The following UGDH variants were observed in gnomAD, a reference collection of about 807,000 sequenced individuals.
UGDH encodes the protein UDP-glucose 6-dehydrogenase.
Under a neutral mutation model 50.6 loss-of-function variants are expected in UGDH, and 38 were observed. That is an observed-to-expected ratio of 0.75 (90% confidence interval 0.58 to 0.98). The LOEUF is 0.98. UGDH is among the 50% of genes least tolerant of loss of function. The pLI is 0.00. For synonymous variants in UGDH, 168 were observed against 199.9 expected (o/e 0.84, Z 1.35); for missense variants, 465 against 606.2 (o/e 0.77, Z 2.45).
intron 2 of UGDH, among the ~76,000 whole-genome samples, chr4:39,516,321 A>G (rs1043244716): frequency 5.3e-5 from 8 of 152,142 alleles, no homozygotes; most frequent in African/African-American, 1.7e-4. Flanking sequence ...ATACATGATA[A>G]AGTATTTATG....
intron 2 of UGDH, among the ~76,000 whole-genome samples, chr4:39,520,491 A>AT (rs913615303): frequency 1.3e-5 from 2 of 151,630 alleles, no homozygotes; most frequent in East Asian, 1.9e-4. Flanking sequence ...TGAAATAATA[A>AT]AAAAAAAGGA....
chr4:39,518,835 T>G (rs905753134), intron 2 of UGDH, among the ~76,000 whole-genome samples: 1 of 152,188 alleles, frequency 6.6e-6, no homozygotes, highest in African/African-American at 2.4e-5. Flanking sequence ...TACCAAGCAG[T>G]GCATAAAATT....
chr4:39,505,440 G>C lies in UGDH; in HGVS notation c.1038-70C>G, dbSNP rs563409987. 3.4e-4 allele frequency: 450 copies of C among 1,312,164 alleles called. 10 individuals are homozygous for C. In the South Asian group the frequency reaches 8.7e-3, roughly 25 times the overall value. 81.3% of individuals were successfully genotyped at this position (1,312,164 alleles called of 1,614,324 possible). A position where few individuals can be genotyped will look rare whatever the true frequency, so the allele number is the denominator to read the frequency against. On this transcript the variant is annotated intron_variant, in intron 8 of 11. Transcript: ENST00000316423. ...TATATTCTAATACCAGGGAGTTTAAGATACAGGTAAAATTATATTTCTGAA... is the reference window on the plus strand; with the variant it reads ...TATATTCTAATACCAGGGAGTTTAACATACAGGTAAAATTATATTTCTGAA...
rs200144945 is a variant in UGDH, at chr4:39,527,316, T to TA, written c.-42dup. On this transcript the variant is annotated 5_prime_UTR_variant, in exon 1 of 12. Transcript: ENST00000316423. ...CAGCAGCAAGCGCAGGGACCGCTCC[T>TA]ATCCCGATCGTTCGGACAGCACCTT... 6.1e-6 allele frequency: 2 copies of TA among 327,904 alleles called. No homozygotes were observed. The highest frequency in any genetic ancestry group is 1.2e-5 in the Non-Finnish European group (2 of 166,302). 20.3% of individuals were successfully genotyped at this position (327,904 alleles called of 1,614,324 possible). A position where few individuals can be genotyped will look rare whatever the true frequency, so the allele number is the denominator to read the frequency against.
Position 39,510,724 on chromosome 4 carries a change from C to T in UGDH, c.402G>A (p.Val134=). 14 of 1,614,192 alleles carry T rather than the reference C, an allele frequency of 8.7e-6. No individual in the cohort carries two copies. Among genetic ancestry groups the T allele is most frequent in the South Asian group, 3.3e-5 (3 of 91,086 alleles). ...TGCGACGGATACTTTCTGCTGCCCG[C>T]ACTGGAACTGTGCTTTTCTCAGTCA... The part of the protein sequence containing the change: ...KIVTEKSTVP[V]RAAESIRRIF... Residue 134 remains valine (V), a synonymous_variant, in exon 4 of 12, where the codon GTG becomes GTA. Transcript: ENST00000316423.
rs771484368 is a variant in UGDH at position 39,510,862 on chromosome 4, C to T, written c.265-1G>A. ...CATAGGTTTTTGTTGGAGTATTCAC[C>T]TGATGTAAGTATATGGGATAAAGAA... is the stretch of plus-strand genomic sequence containing the variant. On this transcript the variant is annotated splice_acceptor_variant, in intron 3 of 11. Coordinates refer to ENST00000316423, the MANE Select transcript of UGDH (RefSeq NM_003359.4). LOFTEE classifies it high-confidence loss of function. 6.2e-7 allele frequency: 1 copy of T among 1,614,060 alleles called. No individual in the cohort carries two copies.
At chr4:39,519,552 A>T (rs9990888) in intron 2 of UGDH, among the ~76,000 whole-genome samples, 108,190 of 151,698 alleles carry the variant, frequency 0.71, 38,731 homozygotes, top group East Asian at 0.9. Flanking sequence ...ATATATATAT[A>T]TTTTGAGACG....
At chr4:39,517,761 AACTT>A in intron 2 of UGDH, among the ~76,000 whole-genome samples, 6 of 152,236 alleles carry the variant, frequency 3.9e-5, no homozygotes, top group Admixed American at 3.9e-4. Context: ...CTATTTTTGA[AACTT>A]ACGCAAATGG....
intron 7 of UGDH, among the ~76,000 whole-genome samples, chr4:39,507,961 A>AG (rs1746092019): frequency 6.9e-6 from 1 of 144,516 alleles, no homozygotes; most frequent in South Asian, 2.2e-4. Flanking sequence ...AAAAAAAAAA[A>AG]AGAGAGAAGA....
intron 9 of UGDH, 91 bp from the exon 10 acceptor site, chr4:39,504,599 C>A: frequency 9.2e-7 from 1 of 1,091,800 alleles, no homozygotes; most frequent in Non-Finnish European, 1.4e-6. Context: ...GGATACATTC[C>A]AAGACCCCCA....
At chr4:39,505,969 T>C (rs1746009499) in intron 7 of UGDH, among the ~76,000 whole-genome samples, 1 of 151,580 alleles carries the variant, frequency 6.6e-6, no homozygotes, top group Non-Finnish European at 1.5e-5. Context: ...TGGTAGCTCA[T>C]ACCTGTAATC....
intron 9 of UGDH, 42 bp downstream of exon 9, chr4:39,505,195 C>A (rs2109920483): frequency 6.4e-7 from 1 of 1,552,542 alleles, no homozygotes; most frequent in East Asian, 2.4e-5. Flanking sequence ...AAAAAGTTTT[C>A]AGGTCTGGAC....
At position 39,500,156 on chromosome 4, in the gene UGDH, T is replaced by C. The variant is rs1359236936; in HGVS notation, c.1472A>G (p.Lys491Arg). ...KFSLQDPPNK[K>R]PKV ...AAATGGCAATCTCTACACTTTAGGT[T>C]TCTTGTTAGGTGGATCTTGAAGACT... The change falls in exon 12 of 12, where the codon AAA becomes AGA. Residue 491 changes from lysine (K) to arginine (R), a missense_variant. By Grantham distance (26) the Lys-to-Arg change is conservative. Coordinates refer to ENST00000316423, the MANE Select transcript of UGDH (RefSeq NM_003359.4). 3 of 1,585,510 alleles carry C rather than the reference T, an allele frequency of 1.9e-6. No homozygotes were observed.
intron 2 of UGDH, among the ~76,000 whole-genome samples, chr4:39,516,181 G>A: frequency 6.6e-6 from 1 of 152,176 alleles, no homozygotes; most frequent in Non-Finnish European, 1.5e-5. Flanking sequence ...CTATTCAGGA[G>A]GCTGAGGTGG....
intron 11 of UGDH, among the ~76,000 whole-genome samples, chr4:39,501,914 C>G (rs538849921): frequency 6.6e-6 from 1 of 152,204 alleles, no homozygotes. Flanking sequence ...ATACTACTCA[C>G]TTTTCATGTC....
In UGDH at chr4:39,514,231, T is replaced by C. The variant is rs749711412; in HGVS notation, c.163-47A>G. 9 of 1,370,646 alleles carry C rather than the reference T, an allele frequency of 6.6e-6. No individual in the cohort carries two copies. The Admixed American group carries it at 1.5e-4, about 23-fold the overall frequency. 84.9% of individuals were successfully genotyped at this position (1,370,646 alleles called of 1,614,324 possible). A position where few individuals can be genotyped will look rare whatever the true frequency, so the allele number is the denominator to read the frequency against. On this transcript the variant is annotated intron_variant, in intron 2 of 11. Coordinates refer to ENST00000316423, the MANE Select transcript of UGDH (RefSeq NM_003359.4). ...AATTGTACATATAGCTTGCCAGTGA[T>C]ATGAGATAACCTAATAGTATAGAAT...
chr4:39,516,930 A>G (rs1035198154), intron 2 of UGDH, among the ~76,000 whole-genome samples: 3 of 152,212 alleles, frequency 2.0e-5, no homozygotes, highest in African/African-American at 7.2e-5. Context: ...AGAGCAATGC[A>G]GAATTCATAT....
chr4:39,508,580 G>T lies in UGDH; in HGVS notation c.892C>A (p.Arg298Ser). Residue 298 changes from arginine (R) to serine (S), a missense_variant, in exon 7 of 12, where the codon CGT becomes AGT. Coordinates refer to ENST00000316423, the MANE Select transcript of UGDH (RefSeq NM_003359.4). Reference protein sequence around the residue: ...CEALNLPEVARYWQQVIDMND... With the variant: ...CEALNLPEVASYWQQVIDMND... ...GAGATTAATACCTGCTGCCAATAACGAGCTACTTCTGGCAAATTCAGAGCC... is the reference window on the plus strand; with the variant it reads ...GAGATTAATACCTGCTGCCAATAACTAGCTACTTCTGGCAAATTCAGAGCC... 6.2e-7 allele frequency: 1 copy of T among 1,610,310 alleles called. No individual in the cohort carries two copies. Among genetic ancestry groups the T allele is most frequent in the South Asian group, 1.1e-5 (1 of 90,788 alleles).
intron 5 of UGDH, 115 bp from the exon 6 acceptor site, chr4:39,510,022 G>T: frequency 1.6e-6 from 2 of 1,213,802 alleles, no homozygotes; most frequent in Non-Finnish European, 2.2e-6. Flanking sequence ...ATAAGATACT[G>T]ATGAGCTCAA....
Sources: gnomAD v4.1 joint callset for allele counts (sites outside exome capture counted in the v4.1 genomes callset) on GRCh38, gnomAD v4.1.1 for gene constraint, MANE v1.5 for transcripts, NCBI Gene and HGNC (gene_info 2026-07-23, HGNC 2026-07-21) for gene names.